The following RGS22 variants were observed in gnomAD, a reference collection of about 807,000 sequenced individuals.
RGS22 encodes the protein regulator of G-protein signaling 22.
A neutral mutation model predicts 172.9 loss-of-function variants in RGS22; 148 were observed. The observed-to-expected ratio is 0.86, with a 90% CI of 0.75 to 0.98. RGS22 has a LOEUF of 0.98. RGS22 is among the 50% of genes least tolerant of loss of function. RGS22 has a pLI of 0.00. For missense variants in RGS22, 1,347 were observed against 1,440.8 expected, an observed-to-expected ratio of 0.93 and a Z score of 1.05; for synonymous variants, 458 against 480.2, an observed-to-expected ratio of 0.95 and a Z score of 0.60.
At chr8:100,084,860 G>C (rs558783919) in intron 3 of RGS22, among the ~76,000 whole-genome samples, 3 of 152,234 alleles carry the variant, frequency 2.0e-5, no homozygotes, top group East Asian at 3.9e-4. Flanking sequence ...TTTCATTTTT[G>C]TCTATGATAA....
chr8:100,096,636 C>T (rs1262967764), intron 2 of RGS22, among the ~76,000 whole-genome samples: 9 of 145,828 alleles, frequency 6.2e-5, no homozygotes, highest in Non-Finnish European at 1.3e-4. Flanking sequence ...CAGGTTCTTG[C>T]TCTGTCACTT....
intron 19 of RGS22, 34 bp from the exon 20 acceptor site, chr8:99,996,564 T>C (rs1344099604): frequency 1.9e-6 from 3 of 1,552,778 alleles, no homozygotes; most frequent in Non-Finnish European, 1.8e-6. Context: ...ATCCCAGTTA[T>C]TCAGACTAAA....
chr8:99,986,033 C>A (rs62534649), intron 21 of RGS22, among the ~76,000 whole-genome samples: 1 of 151,218 alleles, frequency 6.6e-6, no homozygotes, highest in East Asian at 1.9e-4. Flanking sequence ...TTTTTTTTAC[C>A]AGCCTGGGCA....
chr8:100,037,907 C>A (rs1041202357), intron 14 of RGS22, among the ~76,000 whole-genome samples: 3 of 152,068 alleles, frequency 2.0e-5, no homozygotes, highest in African/African-American at 7.2e-5. Context: ...GGGGCTGAAG[C>A]CCTTAATCTC....
At chr8:100,038,870 C>T in intron 14 of RGS22, 61 bp downstream of exon 14, 1 of 1,082,106 alleles carries the variant, frequency 9.2e-7, no homozygotes, top group Non-Finnish European at 1.3e-6. Flanking sequence ...GGACTGGACA[C>T]AATTTTCATT....
intron 20 of RGS22, among the ~76,000 whole-genome samples, chr8:99,990,817 G>A (rs781702421): frequency 6.6e-6 from 1 of 152,160 alleles, no homozygotes. Context: ...GTGGGTCCCT[G>A]ACCCCCATGT....
At chr8:100,036,635 G>A (rs546415567) in intron 14 of RGS22, among the ~76,000 whole-genome samples, 1 of 152,112 alleles carries the variant, frequency 6.6e-6, no homozygotes, top group African/African-American at 2.4e-5. Context: ...GTCTTGTTCT[G>A]CCACCCAGAC....
At chr8:100,057,305 G>A (rs931701515) in intron 9 of RGS22, among the ~76,000 whole-genome samples, 5 of 152,208 alleles carry the variant, frequency 3.3e-5, no homozygotes, top group Admixed American at 6.5e-5. Context: ...TGTCTCAAAT[G>A]AGACTTTGGA....
chr8:99,984,223 G>A (rs778085572), intron 21 of RGS22, among the ~76,000 whole-genome samples: 29 of 152,080 alleles, frequency 1.9e-4, no homozygotes, highest in Admixed American at 6.6e-5. Context: ...GGAGGTTGAC[G>A]CTGCAGTGGG....
intron 14 of RGS22, among the ~76,000 whole-genome samples, chr8:100,009,794 G>T (rs188694038): frequency 7.9e-5 from 12 of 152,012 alleles, no homozygotes; most frequent in South Asian, 2.1e-4. Context: ...AGACTTAAAG[G>T]GTCCATGTTA....
intron 3 of RGS22, among the ~76,000 whole-genome samples, chr8:100,088,873 C>T (rs1171238097): frequency 1.3e-5 from 2 of 149,470 alleles, no homozygotes; most frequent in African/African-American, 4.9e-5. Flanking sequence ...GACCTAAGGG[C>T]CCTATAGTCT....
At position 100,052,978 on chromosome 8, in the gene RGS22, T is replaced by A; in HGVS notation, c.1515-2A>T. On this transcript the variant is annotated splice_acceptor_variant, in intron 9 of 27. Transcript: ENST00000360863. LOFTEE classifies it high-confidence loss of function. ...TGAGTAACACAGAATCTTGGTGCCC[T>A]GTTTATTGGAAAAATAAATGTAAGA... The A allele has an allele frequency of 6.2e-7, 1 of 1,612,422 alleles. No individual in the cohort carries two copies. The highest frequency in any genetic ancestry group is 8.5e-7 in the Non-Finnish European group (1 of 1,179,132).
Position 100,018,604 on chromosome 8 carries a change from A to T in RGS22, c.2167-10035T>A, listed in dbSNP as rs796522345. Reference sequence around the variant, plus strand: ...AACAAATATTCCTGTTTGCATCTTCAAGGAAATCTCAGCTGCTTCATTAAT... The same window carrying T: ...AACAAATATTCCTGTTTGCATCTTCTAGGAAATCTCAGCTGCTTCATTAAT... On this transcript the variant is annotated intron_variant, in intron 14 of 27. Transcript: ENST00000360863. Among the ~76,000 whole-genome samples, 16 of 152,302 alleles carry T rather than the reference A, an allele frequency of 1.1e-4. 1 individual carries two copies. Among genetic ancestry groups the T allele is most frequent in the African/African-American group, 3.6e-4 (15 of 41,520 alleles).
At chr8:100,074,108 A>G (rs1052858931) in intron 4 of RGS22, among the ~76,000 whole-genome samples, 2 of 152,240 alleles carry the variant, frequency 1.3e-5, no homozygotes, top group Non-Finnish European at 2.9e-5. Flanking sequence ...GGATGACCAG[A>G]AGGTTAAGGG....
intron 14 of RGS22, among the ~76,000 whole-genome samples, chr8:100,015,528 A>G (rs566080262): frequency 1.3e-5 from 2 of 152,254 alleles, no homozygotes; most frequent in East Asian, 3.9e-4. Flanking sequence ...CCTGATCTCA[A>G]GTAATCTGCC....
chr8:99,990,212 T>C (rs1404749160), intron 20 of RGS22, among the ~76,000 whole-genome samples: 1 of 152,118 alleles, frequency 6.6e-6, no homozygotes, highest in Non-Finnish European at 1.5e-5. Context: ...TTAGATGTGA[T>C]AATGAGCTAT....
At chr8:100,020,780 T>C (rs1330822522) in intron 14 of RGS22, among the ~76,000 whole-genome samples, 1 of 152,242 alleles carries the variant, frequency 6.6e-6, no homozygotes, top group African/African-American at 2.4e-5. Context: ...AAAGAAGTTA[T>C]ATTAAAAACA....
chr8:100,027,439 T>C (rs941795559), intron 14 of RGS22, among the ~76,000 whole-genome samples: 3 of 152,112 alleles, frequency 2.0e-5, no homozygotes, highest in African/African-American at 7.2e-5. Context: ...ATAAAGGAGA[T>C]TCTTAAAAGG....
rs1254488551 is a variant in RGS22 at position 100,072,247 on chromosome 8, A to C, written c.340-17T>G. 4.0e-6 allele frequency: 6 copies of C among 1,482,846 alleles called. No homozygotes were observed. Among genetic ancestry groups the C allele is most frequent in the Non-Finnish European group, 5.5e-6 (6 of 1,088,464 alleles). 91.9% of individuals were successfully genotyped at this position (1,482,846 alleles called of 1,614,324 possible). On this transcript the variant is annotated splice_polypyrimidine_tract_variant and intron_variant, in intron 4 of 27. Coordinates refer to ENST00000360863, the MANE Select transcript of RGS22 (RefSeq NM_015668.5). ...ACTGAGACACTATGAGAAGAAAGAG[A>C]AAAAGAAAAAGAAGGTCAGAGAAAA...
Sources: allele counts gnomAD v4.1 joint callset (sites outside exome capture counted in the v4.1 genomes callset), GRCh38; gene constraint gnomAD v4.1.1; transcripts MANE v1.5; gene names NCBI Gene and HGNC (gene_info 2026-07-23, HGNC 2026-07-21).